Variants in PPARGC1B observed in about 807,000 individuals in gnomAD.
PPARGC1B encodes peroxisome proliferator-activated receptor gamma coactivator 1-beta.
In PPARGC1B, 34 loss-of-function variants were observed where a neutral mutation model predicts 101.6. That is an observed-to-expected ratio of 0.33 (90% CI 0.25 to 0.45). The LOEUF (loss-of-function observed/expected upper bound fraction) is 0.45. Ranked by LOEUF, PPARGC1B falls within the 20% of genes least tolerant of loss-of-function variation. PPARGC1B has a pLI of 1.00. For missense variants in PPARGC1B, 1,234 were observed against 1,317.6 expected (o/e 0.94, Z 0.98); for synonymous variants, 548 against 539.3 (o/e 1.02, Z -0.22).
intron 11 of PPARGC1B, chr5:149,846,248 T>A: frequency 1.9e-6 from 1 of 529,076 alleles, no homozygotes; most frequent in Non-Finnish European, 3.3e-6. Context: ...TGCTACCCTG[T>A]CCCCTTCAGG....
rs1759683571 is a variant in PPARGC1B, at chr5:149,849,210, T to C, written c.*1652T>C. The stretch of plus-strand genomic sequence containing the variant: ...GCCTAGACTGTTGAGAATTGACGTT[T>C]TTAAAGATTATCAAATACCTCAGTA... On this transcript the variant is annotated 3_prime_UTR_variant, in exon 12 of 12. Coordinates refer to ENST00000309241, the MANE Select transcript of PPARGC1B (RefSeq NM_133263.4). 1 of 152,200 alleles carries C rather than the reference T, an allele frequency of 6.6e-6. No individual in the cohort carries two copies. The highest frequency in any genetic ancestry group is 6.5e-5 in the Admixed American group (1 of 15,282). 9.4% of individuals were successfully genotyped at this position (152,200 alleles called of 1,614,324 possible).
At chr5:149,771,906 T>C (rs1581035023) in intron 1 of PPARGC1B, 6 of 883,414 alleles carry the variant, frequency 6.8e-6, no homozygotes, top group Middle Eastern at 3.7e-4. Flanking sequence ...GTGATGTCAC[T>C]GAACGTTGTC....
chr5:149,801,763 A>C (rs758171738), intron 1 of PPARGC1B, among the ~76,000 whole-genome samples: 3 of 152,010 alleles, frequency 2.0e-5, no homozygotes, highest in Non-Finnish European at 4.4e-5. Context: ...TGGTGGTGTG[A>C]ACTGGGTCTG....
Position 149,789,191 on chromosome 5 carries a change from A to G in PPARGC1B, c.79-31242A>G, listed in dbSNP as rs531171745. Among the ~76,000 whole-genome samples the G allele has an allele frequency of 1.3e-3, 192 of 152,346 alleles. 1 individual carries two copies. Among genetic ancestry groups the G allele is most frequent in the African/African-American group, 4.4e-3 (181 of 41,584 alleles). ...CATGGGCAGATATTAGGACATTGAA[A>G]GCAGTAGTGTGTTTGTCAGTGTAGT... On this transcript the variant is annotated intron_variant, in intron 1 of 11. Transcript: ENST00000309241.
intron 1 of PPARGC1B, among the ~76,000 whole-genome samples, chr5:149,734,867 G>T (rs746306649): frequency 4.5e-4 from 69 of 152,126 alleles, no homozygotes; most frequent in Non-Finnish European, 8.4e-4. Flanking sequence ...TTCCCCATAT[G>T]ATCATGGGTG....
intron 7 of PPARGC1B, 33 bp from the exon 8 acceptor site, chr5:149,836,230 C>G: frequency 2.0e-6 from 3 of 1,507,384 alleles, no homozygotes; most frequent in South Asian, 1.3e-5. Flanking sequence ...AGTGATCTGT[C>G]TTTATCTTAC....
At chr5:149,835,005 G>A (rs538271261) in intron 6 of PPARGC1B, among the ~76,000 whole-genome samples, 3 of 152,352 alleles carry the variant, frequency 2.0e-5, no homozygotes, top group South Asian at 2.1e-4. Context: ...CAGCAAGTCC[G>A]TTCCTCCTTC....
At chr5:149,795,957 G>A (rs969205490) in intron 1 of PPARGC1B, among the ~76,000 whole-genome samples, 2 of 152,238 alleles carry the variant, frequency 1.3e-5, no homozygotes, top group South Asian at 4.2e-4. Flanking sequence ...CATGATGCAT[G>A]TCAAGAGCTC....
rs542445867 is a variant in PPARGC1B, at chr5:149,786,114, A to C, written c.79-34319A>C. On this transcript the variant is annotated intron_variant, in intron 1 of 11. Transcript: ENST00000309241. ...ATTTTTGTTTTGTTTTGTTTTTGAG[A>C]TGGAGTCTTGCTCTGTTGCCCAGGC... Among the ~76,000 whole-genome samples the C allele has an allele frequency of 1.3e-4, 19 of 151,476 alleles. No individual in the cohort carries two copies. In the South Asian group the frequency reaches 3.8e-3, roughly 30 times the overall value.
chr5:149,817,383 G>A (rs1440486264), intron 1 of PPARGC1B, among the ~76,000 whole-genome samples: 1 of 152,172 alleles, frequency 6.6e-6, no homozygotes, highest in African/African-American at 2.4e-5. Flanking sequence ...AGGAGGCTGA[G>A]GTTGAAGGAT....
chr5:149,803,045 C>T (rs1757482919), intron 1 of PPARGC1B, among the ~76,000 whole-genome samples: 1 of 152,180 alleles, frequency 6.6e-6, no homozygotes, highest in Non-Finnish European at 1.5e-5. Flanking sequence ...TTAGGAATTG[C>T]TGATGGGGCA....
intron 1 of PPARGC1B, among the ~76,000 whole-genome samples, chr5:149,805,851 T>C (rs1174445723): frequency 6.6e-6 from 1 of 152,268 alleles, no homozygotes; most frequent in Admixed American, 6.5e-5. Context: ...ATTAACTCTT[T>C]CATAATTCCT....
intron 2 of PPARGC1B, among the ~76,000 whole-genome samples, chr5:149,823,674 A>G (rs1758392878): frequency 6.6e-6 from 1 of 152,138 alleles, no homozygotes; most frequent in South Asian, 2.1e-4. Flanking sequence ...CCTGGGATGG[A>G]TGGCTGGAGG....
At position 149,847,595 on chromosome 5, in the gene PPARGC1B, C is replaced by A; in HGVS notation, c.*37C>A. On this transcript the variant is annotated 3_prime_UTR_variant, in exon 12 of 12. Coordinates refer to ENST00000309241, the MANE Select transcript of PPARGC1B (RefSeq NM_133263.4). ...ACCCTCGAGGAATACCTCAATACCTCAGACAAGGCCCTTCCAATATGTTTA... is the reference window on the plus strand; with the variant it reads ...ACCCTCGAGGAATACCTCAATACCTAAGACAAGGCCCTTCCAATATGTTTA... 1 of 1,440,124 alleles carries A rather than the reference C, an allele frequency of 6.9e-7. No individual in the cohort carries two copies. Among genetic ancestry groups the A allele is most frequent in the Non-Finnish European group, 9.8e-7 (1 of 1,023,908 alleles). The allele number at this position is 1,440,124 out of a possible 1,614,324, so 89.2% of individuals were successfully genotyped here.
At chr5:149,749,007 A>G (rs1287354537) in intron 1 of PPARGC1B, among the ~76,000 whole-genome samples, 1 of 148,534 alleles carries the variant, frequency 6.7e-6, no homozygotes, top group Non-Finnish European at 1.5e-5. Flanking sequence ...GCTCCTCCCC[A>G]GGCCCTAGGA....
intron 1 of PPARGC1B, among the ~76,000 whole-genome samples, chr5:149,777,192 A>G (rs1025413298): frequency 5.9e-5 from 9 of 152,194 alleles, no homozygotes; most frequent in African/African-American, 2.2e-4. Context: ...TATCAAAAGC[A>G]CTTAGTATAT....
chr5:149,745,392 G>A (rs1433316626), intron 1 of PPARGC1B, among the ~76,000 whole-genome samples: 1 of 152,094 alleles, frequency 6.6e-6, no homozygotes, highest in East Asian at 1.9e-4. Flanking sequence ...TACACATCTG[G>A]GGCTGTCCCA....
chr5:149,851,994 C>T lies in PPARGC1B; in HGVS notation c.*4436C>T, dbSNP rs548997903. The T allele has an allele frequency of 6.6e-6, 1 of 152,442 alleles. No individual in the cohort carries two copies. Among genetic ancestry groups the T allele is most frequent in the African/African-American group, 2.4e-5 (1 of 41,566 alleles). The allele number at this position is 152,442 out of a possible 1,614,324, so 9.4% of individuals were successfully genotyped here. A position where few individuals can be genotyped will look rare whatever the true frequency, so the allele number is the denominator to read the frequency against. On this transcript the variant is annotated 3_prime_UTR_variant, in exon 12 of 12. Transcript: ENST00000309241. ...GCTGTGTGAAGTGATCTTCTAGAGA[C>T]TGGGACAGGGAGTTTGGGAATGGGG...
downstream of PPARGC1B, among the ~76,000 whole-genome samples, chr5:149,857,777 G>C (rs1249399595): frequency 6.6e-6 from 1 of 152,214 alleles, no homozygotes; most frequent in African/African-American, 2.4e-5. Context: ...ACTGTGCCAG[G>C]AACTTGGCCC....
Sources: allele counts gnomAD v4.1 joint callset (sites outside exome capture counted in the v4.1 genomes callset), GRCh38; gene constraint gnomAD v4.1.1; transcripts MANE v1.5; gene names NCBI Gene and HGNC (gene_info 2026-07-23, HGNC 2026-07-21).